The following CCDC171 variants were observed in gnomAD, a reference collection of about 807,000 sequenced individuals.
CCDC171 encodes the protein coiled-coil domain containing 171, also known as coiled-coil domain-containing protein 171.
A neutral mutation model predicts 168.2 loss-of-function variants in CCDC171; 177 were observed. The ratio of observed to expected loss-of-function variants is 1.05; its 90% CI spans 0.93 to 1.19. The LOEUF (loss-of-function observed/expected upper bound fraction) is 1.19. Ranked by LOEUF, CCDC171 falls within the 50% of genes most tolerant of loss-of-function variation. The pLI is 0.00. For synonymous variants in CCDC171, 687 were observed against 540.8 expected, an observed-to-expected ratio of 1.27 and a Z score of -3.75; for missense variants, 1,991 against 1,539.0, an observed-to-expected ratio of 1.29 and a Z score of -4.91.
chr9:15,605,095 C>T (rs894630861), intron 6 of CCDC171, among the ~76,000 whole-genome samples: 2 of 151,960 alleles, frequency 1.3e-5, no homozygotes, highest in Non-Finnish European at 2.9e-5. Context: ...GGGGGTCTTC[C>T]TTTGTTGCCT....
At position 15,673,542 on chromosome 9, in the gene CCDC171, G is replaced by A. The variant is rs1311902665; in HGVS notation, c.1077-5216G>A. On this transcript the variant is annotated intron_variant, in intron 9 of 25. Transcript: ENST00000380701. ...GTTCCATCAATACCTAGTTCATTGA[G>A]AGTTTTTAGCATGAAGGGCTATTGA... 2.6e-5 allele frequency among the ~76,000 whole-genome samples: 4 copies of A among 152,170 alleles called. No homozygotes were observed. The East Asian group carries it at 7.7e-4, about 29-fold the overall frequency.
At chr9:16,016,165 T>C (rs1050368474) in intron 3 of CCDC171, among the ~76,000 whole-genome samples, 1 of 152,158 alleles carries the variant, frequency 6.6e-6, no homozygotes, top group Non-Finnish European at 1.5e-5. Flanking sequence ...GTTCTGTGTT[T>C]AGCTTTTTGA....
intron 1 of CCDC171, among the ~76,000 whole-genome samples, chr9:16,046,891 T>C (rs1833670963): frequency 1.3e-5 from 2 of 152,162 alleles, no homozygotes; most frequent in African/African-American, 2.4e-5. Context: ...ATACACACAG[T>C]AAACCACTCC....
At chr9:16,030,923 G>C (rs1233753696) in intron 6 of CCDC171, among the ~76,000 whole-genome samples, 1 of 152,176 alleles carries the variant, frequency 6.6e-6, no homozygotes, top group Admixed American at 6.5e-5. Flanking sequence ...AAAGCAGAAA[G>C]AGAATGAAAA....
chr9:15,616,462 A>T (rs1424671679), intron 6 of CCDC171, among the ~76,000 whole-genome samples: 1 of 151,824 alleles, frequency 6.6e-6, no homozygotes, highest in African/African-American at 2.4e-5. Flanking sequence ...TTACTATATA[A>T]AATACTATAT....
At chr9:15,823,637 C>T (rs897610931) in intron 21 of CCDC171, among the ~76,000 whole-genome samples, 4 of 152,066 alleles carry the variant, frequency 2.6e-5, no homozygotes, top group African/African-American at 4.8e-5. Context: ...CATGAGGACG[C>T]TGCTTTATAG....
intron 24 of CCDC171, among the ~76,000 whole-genome samples, chr9:15,905,658 G>GA (rs1394973660): frequency 2.0e-5 from 3 of 152,030 alleles, no homozygotes; most frequent in African/African-American, 7.2e-5. Context: ...CAGAAGGCAA[G>GA]AAAAAACTAA....
rs549510654 is a variant in CCDC171 at position 15,717,136 on chromosome 9, C to A, written c.1319-4633C>A. Among the ~76,000 whole-genome samples, 4 of 152,268 alleles carry A rather than the reference C, an allele frequency of 2.6e-5. No individual in the cohort carries two copies. In the East Asian group the frequency reaches 5.8e-4, roughly 22 times the overall value. ...TTGCTGACACCACCACTCTTCCATG[C>A]CCCAGCAGCGGCTATGTGGTGGGGG... is the stretch of plus-strand genomic sequence containing the variant. On this transcript the variant is annotated intron_variant, in intron 11 of 25. Transcript: ENST00000380701.
chr9:15,578,247 T>A (rs2040830208), intron 3 of CCDC171, among the ~76,000 whole-genome samples: 1 of 151,036 alleles, frequency 6.6e-6, no homozygotes, highest in African/African-American at 2.4e-5. Context: ...TCTTTATTTT[T>A]TTTTTTTTAG....
chr9:15,643,397 A>G (rs751677246), intron 7 of CCDC171, among the ~76,000 whole-genome samples: 1 of 152,198 alleles, frequency 6.6e-6, no homozygotes, highest in Non-Finnish European at 1.5e-5. Context: ...TTTCTCTGCT[A>G]CAGTATGCAT....
rs1220860348 is a variant in CCDC171, at chr9:15,622,931, TGAGAAGG to T, written c.676-334_676-328del. On this transcript the variant is annotated intron_variant, in intron 6 of 25. Transcript: ENST00000380701. ...GGCAATATACATTTAAAAATTTTAA[TGAGAAGG>T]GGAAACATAATATATGATAGTTGAA... is the stretch of plus-strand genomic sequence containing the variant. 2.0e-5 allele frequency among the ~76,000 whole-genome samples: 3 copies of T among 152,324 alleles called. No individual in the cohort carries two copies. The East Asian group carries it at 5.8e-4, about 29-fold the overall frequency.
In CCDC171 at chr9:16,047,773, G is replaced by C. The variant is rs192486962; in HGVS notation, n.89+4887G>C. On this transcript the variant is annotated intron_variant and non_coding_transcript_variant, in intron 1 of 1. Transcript: ENST00000478913. The stretch of plus-strand genomic sequence containing the variant: ...AATTGTAGAATAGGGATCAACCACA[G>C]TATTCACGTAATCTATAAAAAGCAC... Among the ~76,000 whole-genome samples the C allele has an allele frequency of 2.6e-5, 4 of 152,304 alleles. No individual in the cohort carries two copies. The East Asian group carries it at 7.7e-4, about 29-fold the overall frequency.
At chr9:15,639,999 C>A (rs1430502603) in intron 7 of CCDC171, among the ~76,000 whole-genome samples, 1 of 152,216 alleles carries the variant, frequency 6.6e-6, no homozygotes, top group East Asian at 1.9e-4. Context: ...GCCTTTGGGC[C>A]AAGGACCTAG....
At chr9:15,796,149 A>G (rs2058545645) in intron 21 of CCDC171, among the ~76,000 whole-genome samples, 1 of 152,214 alleles carries the variant, frequency 6.6e-6, no homozygotes, top group African/African-American at 2.4e-5. Context: ...AAGCATTCTA[A>G]GAGATAAGGT....
intron 1 of CCDC171, among the ~76,000 whole-genome samples, chr9:15,558,284 A>G (rs978785810): frequency 2.0e-5 from 3 of 152,006 alleles, no homozygotes; most frequent in Non-Finnish European, 2.9e-5. Flanking sequence ...CTCTTTTTCT[A>G]TTGTTTGGAA....
chr9:15,864,720 G>T lies in CCDC171; in HGVS notation c.3469-9812G>T, dbSNP rs114146050. On this transcript the variant is annotated intron_variant, in intron 23 of 25. Coordinates refer to ENST00000380701, the MANE Select transcript of CCDC171 (RefSeq NM_173550.4). ...GTAGGATAATGTCTGGATTGTTTAG[G>T]ATTAGATATGATAAAAATAAGTACT... is the stretch of plus-strand genomic sequence containing the variant. Among the ~76,000 whole-genome samples, 1,448 of 152,150 alleles carry T rather than the reference G, an allele frequency of 9.5e-3. 25 individuals carry two copies. The highest frequency in any genetic ancestry group is 0.033 in the African/African-American group (1,380 of 41,520).
At chr9:15,576,751 A>G (rs1348797732) in intron 3 of CCDC171, among the ~76,000 whole-genome samples, 2 of 152,202 alleles carry the variant, frequency 1.3e-5, no homozygotes, top group African/African-American at 2.4e-5. Context: ...GTTCCTGTGA[A>G]TACCAGATTA....
At chr9:15,657,358 T>A (rs1417710373) in intron 8 of CCDC171, 139 bp downstream of exon 8, 6 of 560,182 alleles carry the variant, frequency 1.1e-5, no homozygotes, top group Non-Finnish European at 1.7e-5. Flanking sequence ...TTATTGTATA[T>A]AAGGTTAGGA....
intron 7 of CCDC171, among the ~76,000 whole-genome samples, chr9:15,627,187 C>T (rs2045217088): frequency 6.6e-6 from 1 of 151,558 alleles, no homozygotes; most frequent in South Asian, 2.1e-4. Context: ...TTTTGTTGCG[C>T]CTATTTGATT....
Sources: gnomAD v4.1 joint callset for allele counts (sites outside exome capture counted in the v4.1 genomes callset) on GRCh38, gnomAD v4.1.1 for gene constraint, MANE v1.5 for transcripts, NCBI Gene and HGNC (gene_info 2026-07-23, HGNC 2026-07-21) for gene names.